The following CNTN5 variants were observed in gnomAD, a reference collection of about 807,000 sequenced individuals.
CNTN5 encodes contactin-5.
Under a neutral mutation model 129.1 loss-of-function variants are expected in CNTN5, and 77 were observed. The observed-to-expected ratio is 0.60, with a 90% CI of 0.50 to 0.72. CNTN5 has a LOEUF of 0.72. Ranked by LOEUF, CNTN5 falls within the 30% of genes least tolerant of loss-of-function variation. The probability of loss-of-function intolerance (pLI) is 0.00; values close to 1 mark genes in which losing one functional copy is unlikely to be tolerated. For synonymous variants in CNTN5, 509 were observed against 465.6 expected (o/e 1.09, Z -1.20); for missense variants, 1,478 against 1,328.8 (o/e 1.11, Z -1.75).
intron 3 of CNTN5, among the ~76,000 whole-genome samples, chr11:99,663,345 A>C (rs1591442640): frequency 6.6e-6 from 1 of 152,054 alleles, no homozygotes. Flanking sequence ...ATGGGTGCCT[A>C]TAATCCCAGC....
At chr11:99,473,141 T>A (rs1945239398) in intron 2 of CNTN5, among the ~76,000 whole-genome samples, 1 of 152,184 alleles carries the variant, frequency 6.6e-6, no homozygotes, top group Admixed American at 6.6e-5. Flanking sequence ...TATACTAGAA[T>A]GAATTATTTT....
At chr11:99,278,829 A>T (rs997106836) in intron 1 of CNTN5, among the ~76,000 whole-genome samples, 1 of 151,740 alleles carries the variant, frequency 6.6e-6, no homozygotes, top group African/African-American at 2.4e-5. Flanking sequence ...ATTCAAATGT[A>T]TCTGAAAAGC....
chr11:99,275,957 A>C (rs1023281783), intron 1 of CNTN5, among the ~76,000 whole-genome samples: 5 of 151,662 alleles, frequency 3.3e-5, no homozygotes, highest in Non-Finnish European at 7.4e-5. Context: ...ATTTGAACAA[A>C]AAAAAAATCT....
chr11:100,106,254 G>A (rs1464902507), intron 13 of CNTN5, among the ~76,000 whole-genome samples: 1 of 152,152 alleles, frequency 6.6e-6, no homozygotes, highest in African/African-American at 2.4e-5. Context: ...CTAACTGCCA[G>A]GTAATCAGAG....
At chr11:99,381,697 T>A (rs1032728448) in intron 2 of CNTN5, among the ~76,000 whole-genome samples, 1 of 152,220 alleles carries the variant, frequency 6.6e-6, no homozygotes, top group Non-Finnish European at 1.5e-5. Context: ...TCAAGTTTCT[T>A]GAATAAAAAC....
intron 7 of CNTN5, among the ~76,000 whole-genome samples, chr11:99,942,633 C>A (rs142901533): frequency 6.6e-6 from 1 of 151,942 alleles, no homozygotes; most frequent in Non-Finnish European, 1.5e-5. Context: ...AGGTTTTAAG[C>A]CCCACATGCA....
At chr11:99,910,392 C>G (rs140710722) in intron 6 of CNTN5, among the ~76,000 whole-genome samples, 1 of 152,044 alleles carries the variant, frequency 6.6e-6, no homozygotes, top group African/African-American at 2.4e-5. Flanking sequence ...CCATTCTGTG[C>G]AGACAAATGA....
At chr11:99,128,793 T>C (rs575751781) in intron 1 of CNTN5, among the ~76,000 whole-genome samples, 5 of 152,228 alleles carry the variant, frequency 3.3e-5, no homozygotes, top group African/African-American at 1.2e-4. Context: ...TTTGATGTTC[T>C]ACAGCCTCCA....
chr11:99,505,198 T>C (rs1340050011), intron 2 of CNTN5, among the ~76,000 whole-genome samples: 2 of 152,180 alleles, frequency 1.3e-5, no homozygotes, highest in Non-Finnish European at 2.9e-5. Flanking sequence ...TTAATTTATA[T>C]TAAAGAATGG....
chr11:99,477,403 T>C (rs1395474218), intron 2 of CNTN5, among the ~76,000 whole-genome samples: 2 of 152,038 alleles, frequency 1.3e-5, no homozygotes, highest in African/African-American at 4.8e-5. Flanking sequence ...TCTGAGTCTC[T>C]TTCCATTTAT....
chr11:99,782,612 A>T (rs1325298448), intron 3 of CNTN5, among the ~76,000 whole-genome samples: 1 of 151,910 alleles, frequency 6.6e-6, no homozygotes, highest in African/African-American at 2.4e-5. Flanking sequence ...ACAGCATGGT[A>T]CTGGTACCAA....
chr11:99,054,992 T>C (rs1864573489), intron 1 of CNTN5, among the ~76,000 whole-genome samples: 1 of 151,962 alleles, frequency 6.6e-6, no homozygotes, highest in South Asian at 2.1e-4. Flanking sequence ...GACCAGTAAT[T>C]CTAGAACTTT....
intron 2 of CNTN5, among the ~76,000 whole-genome samples, chr11:99,454,118 T>C (rs1944408282): frequency 6.6e-6 from 1 of 152,006 alleles, no homozygotes; most frequent in African/African-American, 2.4e-5. Flanking sequence ...CCCAAAGAAA[T>C]GTCTGAACAA....
intron 21 of CNTN5, chr11:100,309,223 T>C: frequency 1.0e-6 from 1 of 984,996 alleles, no homozygotes; most frequent in Non-Finnish European, 1.2e-6. Flanking sequence ...AAAAATTTAT[T>C]CTTACTTTTC....
intron 3 of CNTN5, among the ~76,000 whole-genome samples, chr11:99,587,677 T>C (rs1379265470): frequency 6.6e-6 from 1 of 152,172 alleles, no homozygotes; most frequent in Non-Finnish European, 1.5e-5. Flanking sequence ...TTGCAAGTAG[T>C]ATAAAGATTT....
chr11:100,113,040 A>T (rs1172355820), intron 13 of CNTN5, among the ~76,000 whole-genome samples: 1 of 152,032 alleles, frequency 6.6e-6, no homozygotes, highest in Non-Finnish European at 1.5e-5. Flanking sequence ...TTAAACATAG[A>T]ATATTGTATT....
chr11:99,613,102 T>G (rs904591693), intron 3 of CNTN5, among the ~76,000 whole-genome samples: 6 of 152,102 alleles, frequency 3.9e-5, no homozygotes, highest in African/African-American at 7.2e-5. Flanking sequence ...ACAGGCACCA[T>G]CCATCATTAA....
chr11:99,257,604 T>A (rs1183603500), intron 1 of CNTN5, among the ~76,000 whole-genome samples: 4 of 152,062 alleles, frequency 2.6e-5, no homozygotes, highest in Admixed American at 2.0e-4. Context: ...TTGAAATGGT[T>A]ACGCTTTGGA....
intron 8 of CNTN5, among the ~76,000 whole-genome samples, chr11:99,969,500 G>C (rs747619328): frequency 2.0e-5 from 3 of 152,002 alleles, no homozygotes; most frequent in Admixed American, 2.0e-4. Flanking sequence ...ACTCAATTCT[G>C]CTGCTGCTAT....
Sources: allele counts gnomAD v4.1 joint callset (sites outside exome capture counted in the v4.1 genomes callset), GRCh38; gene constraint gnomAD v4.1.1; transcripts MANE v1.5; gene names NCBI Gene and HGNC (gene_info 2026-07-23, HGNC 2026-07-21).